Variants in KCNIP4 observed in about 807,000 individuals in gnomAD.
The protein encoded by KCNIP4 is potassium voltage-gated channel interacting protein 4, also known as Kv channel-interacting protein 4.
A neutral mutation model predicts 34.0 loss-of-function variants in KCNIP4; 12 were observed. The ratio of observed to expected loss-of-function variants is 0.35; its 90% CI spans 0.23 to 0.57. The LOEUF is 0.57. Ranked by LOEUF, KCNIP4 falls within the 20% of genes least tolerant of loss-of-function variation. The probability of loss-of-function intolerance (pLI) is 0.83; values close to 1 mark genes in which losing one functional copy is unlikely to be tolerated. For synonymous variants in KCNIP4, 124 were observed against 102.2 expected (o/e 1.21, Z -1.29); for missense variants, 238 against 311.7 (o/e 0.76, Z 1.78).
intron 1 of KCNIP4, among the ~76,000 whole-genome samples, chr4:21,944,818 G>C (rs1181587774): frequency 6.6e-6 from 1 of 151,310 alleles, no homozygotes; most frequent in African/African-American, 2.4e-5. Context: ...ATTGAGAAAA[G>C]TCCCTCAGGA....
intron 1 of KCNIP4, among the ~76,000 whole-genome samples, chr4:21,626,429 T>C (rs1745328374): frequency 6.6e-6 from 1 of 151,850 alleles, no homozygotes; most frequent in Admixed American, 6.6e-5. Flanking sequence ...AGAGGTCATG[T>C]GAGCACACAG....
chr4:21,179,872 G>A (rs931989829), intron 1 of KCNIP4, among the ~76,000 whole-genome samples: 3 of 152,036 alleles, frequency 2.0e-5, no homozygotes. Flanking sequence ...TCTCCTTAAA[G>A]TACAGTTTAC....
At chr4:21,804,954 G>T (rs534532191) in intron 1 of KCNIP4, among the ~76,000 whole-genome samples, 1 of 152,256 alleles carries the variant, frequency 6.6e-6, no homozygotes, top group Non-Finnish European at 1.5e-5. Flanking sequence ...ACAGAGAAAT[G>T]ACTACAATTC....
intron 1 of KCNIP4, among the ~76,000 whole-genome samples, chr4:21,128,164 C>A (rs576936086): frequency 2.6e-5 from 4 of 152,168 alleles, no homozygotes; most frequent in African/African-American, 9.6e-5. Flanking sequence ...CAAGGAGAAA[C>A]CAGAACAGCT....
At chr4:21,712,376 C>T (rs1713798984) in intron 1 of KCNIP4, among the ~76,000 whole-genome samples, 1 of 152,148 alleles carries the variant, frequency 6.6e-6, no homozygotes, top group African/African-American at 2.4e-5. Flanking sequence ...ACAGTGTCTC[C>T]TCGTGTGCTA....
At chr4:21,502,506 C>T (rs1190325235) in intron 1 of KCNIP4, among the ~76,000 whole-genome samples, 1 of 152,052 alleles carries the variant, frequency 6.6e-6, no homozygotes, top group East Asian at 1.9e-4. Flanking sequence ...TTTTAGTGGG[C>T]ACAGATTATA....
intron 1 of KCNIP4, among the ~76,000 whole-genome samples, chr4:21,555,139 G>C (rs1235709131): frequency 6.6e-6 from 1 of 152,102 alleles, no homozygotes. Context: ...AAGCGAAATA[G>C]TGGTACGTCC....
chr4:21,748,101 T>C (rs1716897069), intron 1 of KCNIP4, among the ~76,000 whole-genome samples: 1 of 152,174 alleles, frequency 6.6e-6, no homozygotes, highest in South Asian at 2.1e-4. Context: ...TAAATTTCTG[T>C]TGTTTTAAGT....
At chr4:21,541,062 T>A (rs1285858973) in intron 1 of KCNIP4, among the ~76,000 whole-genome samples, 1 of 151,736 alleles carries the variant, frequency 6.6e-6, no homozygotes, top group East Asian at 1.9e-4. Flanking sequence ...TCCCAGCTAC[T>A]TGGGAGGCTG....
intron 1 of KCNIP4, among the ~76,000 whole-genome samples, chr4:21,782,976 A>C (rs1476919952): frequency 2.6e-5 from 4 of 152,166 alleles, no homozygotes; most frequent in Non-Finnish European, 5.9e-5. Context: ...GTAGATAGGG[A>C]CAACAAATTA....
intron 3 of KCNIP4, among the ~76,000 whole-genome samples, chr4:20,773,435 T>G (rs1756089503): frequency 6.6e-6 from 1 of 152,088 alleles, no homozygotes. Context: ...CTCTGTCTCC[T>G]CTCCATGCCA....
intron 1 of KCNIP4, among the ~76,000 whole-genome samples, chr4:20,967,484 CA>C (rs1207209113): frequency 6.6e-6 from 1 of 152,186 alleles, no homozygotes; most frequent in East Asian, 1.9e-4. Context: ...CGATCCTAAG[CA>C]AAAACAGCAA....
intron 1 of KCNIP4, among the ~76,000 whole-genome samples, chr4:21,886,518 G>A (rs1726772954): frequency 6.6e-6 from 1 of 152,114 alleles, no homozygotes; most frequent in Admixed American, 6.6e-5. Flanking sequence ...GTAAGCGGAT[G>A]GGTTTCTGCC....
chr4:21,528,760 AAAGAAAGAAAGAAAGAAAGGAAGAAAGG>A (rs1560490049), intron 1 of KCNIP4, among the ~76,000 whole-genome samples: 10 of 9,506 alleles, frequency 1.1e-3, no homozygotes, highest in Non-Finnish European at 1.3e-3. Context: ...AGAAAGAAAG[AAAGAAAGAAAGAAAGAAAGGAAGAAAGG>A]AAGAAAGGAA....
intron 1 of KCNIP4, among the ~76,000 whole-genome samples, chr4:21,499,667 T>C (rs1033433979): frequency 1.3e-5 from 2 of 152,160 alleles, no homozygotes; most frequent in African/African-American, 2.4e-5. Flanking sequence ...AGAAGTCTTA[T>C]ATATTTTAGT....
At chr4:21,833,112 G>T (rs1207402000) in intron 1 of KCNIP4, among the ~76,000 whole-genome samples, 2 of 151,170 alleles carry the variant, frequency 1.3e-5, no homozygotes, top group Non-Finnish European at 2.9e-5. Context: ...ACCTAGTAAT[G>T]GGATGGCTGG....
intron 1 of KCNIP4, among the ~76,000 whole-genome samples, chr4:21,053,383 T>A (rs1743104467): frequency 6.6e-6 from 1 of 152,176 alleles, no homozygotes; most frequent in Non-Finnish European, 1.5e-5. Flanking sequence ...TGATAAAGAA[T>A]GGCTACAGAA....
rs563319347 is a variant in KCNIP4, at chr4:21,542,972, CA to C, written c.61+405598del. On this transcript the variant is annotated intron_variant, in intron 1 of 8. Coordinates refer to ENST00000382152, the MANE Select transcript of KCNIP4 (RefSeq NM_025221.6). ...AACTGTTCAATGAATACTGTCAATT[CA>C]ATGATGATTTTAAATTAATGTACAA... is the stretch of plus-strand genomic sequence containing the variant. Among the ~76,000 whole-genome samples the C allele has an allele frequency of 3.6e-3, 543 of 151,928 alleles. 6 individuals are homozygous for C. The highest frequency in any genetic ancestry group is 0.013 in the African/African-American group (522 of 41,490).
intron 1 of KCNIP4, among the ~76,000 whole-genome samples, chr4:21,223,365 T>C (rs1758119726): frequency 6.6e-6 from 1 of 152,196 alleles, no homozygotes; most frequent in Non-Finnish European, 1.5e-5. Flanking sequence ...CCAGCCCTGC[T>C]AGCTTATTTT....
Sources: gnomAD v4.1 joint callset for allele counts (sites outside exome capture counted in the v4.1 genomes callset) on GRCh38, gnomAD v4.1.1 for gene constraint, MANE v1.5 for transcripts, NCBI Gene and HGNC (gene_info 2026-07-23, HGNC 2026-07-21) for gene names.